C1QTNF4: variants seen among roughly 807,000 people sequenced by gnomAD.
The protein encoded by C1QTNF4 is C1q and TNF related 4, also known as complement C1q tumor necrosis factor-related protein 4.
A neutral mutation model predicts 14.6 loss-of-function variants in C1QTNF4; 12 were observed. That is an observed-to-expected ratio of 0.82 (90% CI 0.53 to 1.33). C1QTNF4 has a LOEUF of 1.33. Among genes scored for constraint, C1QTNF4 ranks in the 40% most tolerant of loss-of-function variants. The pLI, the probability that C1QTNF4 is intolerant of heterozygous loss-of-function variation, is 0.00. For missense variants in C1QTNF4, 558 were observed against 500.3 expected (o/e 1.12, Z -1.10); for synonymous variants, 278 against 246.6 (o/e 1.13, Z -1.19).
In C1QTNF4 at chr11:47,590,637, C is replaced by T; in HGVS notation, c.174G>A (p.Gly58=). The change falls in exon 2 of 2, where the codon GGG becomes GGA. Residue 58 remains glycine, a synonymous_variant. Coordinates refer to ENST00000302514, the MANE Select transcript of C1QTNF4 (RefSeq NM_031909.3). ...GGCCGGTGGCCACATCGAAGTCGCC[C>T]CCGATGTTCACGTACACCTTGTCGA... ...VTFDKVYVNI[G]GDFDVATGQF... 6.2e-7 allele frequency: 1 copy of T among 1,611,412 alleles called. No individual in the cohort carries two copies. The highest frequency in any genetic ancestry group is 2.2e-5 in the East Asian group (1 of 44,768).
At chr11:47,592,923 T>C (rs1393500260) in intron 1 of C1QTNF4, among the ~76,000 whole-genome samples, 1 of 152,074 alleles carries the variant, frequency 6.6e-6, no homozygotes, top group Non-Finnish European at 1.5e-5. Context: ...CCAGAGGAGG[T>C]GCTTTTTGTA....
At chr11:47,594,933 G>A (rs369673926), upstream of C1QTNF4, among the ~76,000 whole-genome samples, 54 of 151,004 alleles carry the variant, frequency 3.6e-4, no homozygotes, top group African/African-American at 1.2e-3. Flanking sequence ...CAGAGGGGCA[G>A]CCTGCGTTCC....
In C1QTNF4 at chr11:47,589,992, G is replaced by A. The variant is rs376664675; in HGVS notation, c.819C>T (p.Ser273=). 1.7e-5 allele frequency: 28 copies of A among 1,611,564 alleles called. No homozygotes were observed. Among genetic ancestry groups the A allele is most frequent in the African/African-American group, 1.7e-4 (13 of 74,968 alleles). Residue 273 remains serine (S), a synonymous_variant, in exon 2 of 2, where the codon AGC becomes AGT. Coordinates refer to ENST00000302514, the MANE Select transcript of C1QTNF4 (RefSeq NM_031909.3). ...ASRRREMQSQ[S]VMLALRRGDA... is the part of the protein sequence containing the mutation. ...CGCCGCGCCGCAGGGCCAGCATCAC[G>A]CTCTGGCTCTGCATCTCGCGGCGCC...
rs1158375474 is a variant in C1QTNF4 at position 47,590,733 on chromosome 11, A to G, written c.78T>C (p.Ser26=). 1 of 1,607,870 alleles carries G rather than the reference A, an allele frequency of 6.2e-7. No homozygotes were observed. Among genetic ancestry groups the G allele is most frequent in the South Asian group, 1.1e-5 (1 of 90,358 alleles). Reference sequence around the variant, plus strand: ...CCGCCGAGAAGGCCGAGCGCAGCTCAGAGGATCCCGGGCCGGGGGTCGGGC... The same window carrying G: ...CCGCCGAGAAGGCCGAGCGCAGCTCGGAGGATCCCGGGCCGGGGGTCGGGC... The part of the protein sequence containing the change: ...ALGPTPGPGS[S]ELRSAFSAAR... Residue 26 remains serine (S), a synonymous_variant, in exon 2 of 2, where the codon TCT becomes TCC. Transcript: ENST00000302514.
chr11:47,591,960 C>T (rs1044510479), intron 1 of C1QTNF4, among the ~76,000 whole-genome samples: 4 of 152,198 alleles, frequency 2.6e-5, no homozygotes, highest in Non-Finnish European at 4.4e-5. Flanking sequence ...TGTTTAAGCC[C>T]CATCTGAGCA....
rs1040975912 is a variant in C1QTNF4, at chr11:47,590,339, C to T, written c.472G>A (p.Ala158Thr). The stretch of plus-strand genomic sequence containing the variant: ...GCAGGCGCGTCAGCGTCGGCGTCGG[C>T]GTAGACTAGGTAGCCGCTGAAGGTG... ...GATFSGYLVY[A>T]DADADAPARG... The change falls in exon 2 of 2, where the codon GCC becomes ACC. Residue 158 changes from alanine to threonine, a missense_variant. Coordinates refer to ENST00000302514, the MANE Select transcript of C1QTNF4 (RefSeq NM_031909.3). 130 of 1,341,582 alleles carry T rather than the reference C, an allele frequency of 9.7e-5. No individual in the cohort carries two copies. The highest frequency in any genetic ancestry group is 1.2e-4 in the Non-Finnish European group (128 of 1,052,814). The allele number at this position is 1,341,582 out of a possible 1,614,324, so 83.1% of individuals were successfully genotyped here.
chr11:47,593,999 T>G (rs1316660713), intron 1 of C1QTNF4, 149 bp downstream of exon 1: 1 of 151,578 alleles, frequency 6.6e-6, no homozygotes, highest in Non-Finnish European at 1.5e-5. Flanking sequence ...ATCCATCCCT[T>G]TGGAATGAAA....
At chr11:47,591,183 G>A (rs374600920) in intron 1 of C1QTNF4, among the ~76,000 whole-genome samples, 31 of 150,498 alleles carry the variant, frequency 2.1e-4, no homozygotes, top group African/African-American at 6.9e-4. Flanking sequence ...GGTTCAAGCA[G>A]TTCTCCTGCC....
chr11:47,593,393 C>A (rs1598814418), intron 1 of C1QTNF4, among the ~76,000 whole-genome samples: 1 of 152,202 alleles, frequency 6.6e-6, no homozygotes, highest in East Asian at 1.9e-4. Context: ...GTTTTGTCTT[C>A]TGGGAACACG....
chr11:47,590,667 C>T lies in C1QTNF4; in HGVS notation c.144G>A (p.Val48=), dbSNP rs1402341398. The change falls in exon 2 of 2, where the codon GTG becomes GTA. Residue 48 remains valine, a synonymous_variant. Transcript: ENST00000302514. ...TGTTCACGTACACCTTGTCGAAGGT[C>T]ACCGCCATCTCCGACGTGCCCTCCA... ...TPLEGTSEMA[V]TFDKVYVNIG... The T allele has an allele frequency of 8.7e-6, 14 of 1,611,738 alleles. No homozygotes were observed. Among genetic ancestry groups the T allele is most frequent in the Non-Finnish European group, 1.1e-5 (13 of 1,179,498 alleles).
rs944677492 is a variant in C1QTNF4, at chr11:47,590,454, G to C, written c.357C>G (p.Ser119Arg). ...QRRPGARRAA[S>R]QSAMLQLDYG... ...AGTCGAGCTGCAGCATGGCGCTCTGGCTGGCTGCGCGCCGCGCGCCTGGCC... is the reference window on the plus strand; with the variant it reads ...AGTCGAGCTGCAGCATGGCGCTCTGCCTGGCTGCGCGCCGCGCGCCTGGCC... The change falls in exon 2 of 2, where the codon AGC becomes AGG. Residue 119 changes from serine (S) to arginine (R), a missense_variant. Transcript: ENST00000302514. The C allele has an allele frequency of 1.4e-5, 21 of 1,517,238 alleles. No individual in the cohort carries two copies. Among genetic ancestry groups the C allele is most frequent in the Non-Finnish European group, 1.8e-5 (20 of 1,136,874 alleles). 94.0% of individuals were successfully genotyped at this position (1,517,238 alleles called of 1,614,324 possible).
intron 1 of C1QTNF4, among the ~76,000 whole-genome samples, chr11:47,592,606 T>C (rs1340044726): frequency 6.6e-6 from 1 of 152,142 alleles, no homozygotes; most frequent in Non-Finnish European, 1.5e-5. Context: ...TGCTTCCTAG[T>C]AGGGCACGTG....
At chr11:47,592,456 C>G (rs569851760) in intron 1 of C1QTNF4, among the ~76,000 whole-genome samples, 2 of 152,216 alleles carry the variant, frequency 1.3e-5, no homozygotes, top group East Asian at 3.8e-4. Context: ...GCAGATGCTT[C>G]TGTCGGTTGC....
At chr11:47,594,961 A>AAGG (rs1254407232), upstream of C1QTNF4, among the ~76,000 whole-genome samples, 1 of 152,132 alleles carries the variant, frequency 6.6e-6, no homozygotes, top group Non-Finnish European at 1.5e-5. Flanking sequence ...GAGGGGCAGT[A>AAGG]AGGAGGAGAG....
upstream of C1QTNF4, among the ~76,000 whole-genome samples, chr11:47,595,215 G>A (rs183644880): frequency 1.5e-3 from 230 of 152,338 alleles, 6 homozygotes; most frequent in Admixed American, 0.015. Flanking sequence ...CGTGGGATGG[G>A]GGCTCAGACT....
In C1QTNF4 at chr11:47,590,109, C is replaced by A. The variant is rs1190202193; in HGVS notation, c.702G>T (p.Thr234=). ...GCGTCTTACGCGGCAGCTTGCCCAGCGTGAAGGAGAAGAAGTAGGCGCCGG... is the reference window on the plus strand; with the variant it reads ...GCGTCTTACGCGGCAGCTTGCCCAGAGTGAAGGAGAAGAAGTAGGCGCCGG... ...RLPGAYFFSF[T]LGKLPRKTLS... is the part of the protein sequence containing the mutation. Residue 234 remains threonine, a synonymous_variant, in exon 2 of 2, where the codon ACG becomes ACT. Transcript: ENST00000302514. 2 of 1,611,854 alleles carry A rather than the reference C, an allele frequency of 1.2e-6. No homozygotes were observed. The highest frequency in any genetic ancestry group is 1.7e-4 in the Middle Eastern group (1 of 6,058).
upstream of C1QTNF4, among the ~76,000 whole-genome samples, chr11:47,594,860 A>G (rs376473649): frequency 2.6e-5 from 4 of 152,126 alleles, no homozygotes; most frequent in African/African-American, 9.6e-5. Flanking sequence ...TTTCCTCCTC[A>G]CCTCCAAATT....
rs2097274092 is a variant in C1QTNF4, at chr11:47,589,702, T to G, written c.*119A>C. The G allele has an allele frequency of 2.0e-6, 2 of 1,011,090 alleles. No homozygotes were observed. The highest frequency in any genetic ancestry group is 2.7e-6 in the Non-Finnish European group (2 of 734,622). 62.6% of individuals were successfully genotyped at this position (1,011,090 alleles called of 1,614,324 possible). ...GGCGCTGCGCGTGCCCGCTTTCCGC[T>G]TTATTGGCAGAGTCCAGGCGCGCCC... On this transcript the variant is annotated 3_prime_UTR_variant, in exon 2 of 2. Coordinates refer to ENST00000302514, the MANE Select transcript of C1QTNF4 (RefSeq NM_031909.3).
At chr11:47,591,224 G>A (rs4498952) in intron 1 of C1QTNF4, among the ~76,000 whole-genome samples, 149,947 of 152,174 alleles carry the variant, frequency 0.99, 73,912 homozygotes, top group East Asian at 1. Context: ...CATTACAGGT[G>A]CGCACCATCA....
Sources: allele counts gnomAD v4.1 joint callset (sites outside exome capture counted in the v4.1 genomes callset), GRCh38; gene constraint gnomAD v4.1.1; transcripts MANE v1.5; gene names NCBI Gene and HGNC (gene_info 2026-07-23, HGNC 2026-07-21).